Variants in CABLES1 observed in about 807,000 individuals in gnomAD.
CABLES1 encodes the protein Cdk5 and Abl enzyme substrate 1.
In CABLES1, 36 loss-of-function variants were observed where a neutral mutation model predicts 57.8. The ratio of observed to expected loss-of-function variants is 0.62; its 90% CI spans 0.48 to 0.82. CABLES1 has a LOEUF of 0.82. Among genes scored for constraint, CABLES1 ranks in the 40% least tolerant of loss-of-function variants. The probability of loss-of-function intolerance (pLI) is 0.00; values close to 1 mark genes in which losing one functional copy is unlikely to be tolerated. For missense variants in CABLES1, 767 were observed against 836.6 expected (o/e 0.92, Z 1.03); for synonymous variants, 374 against 363.0 (o/e 1.03, Z -0.35).
chr18:23,177,694 G>A (rs7231643), intron 1 of CABLES1, among the ~76,000 whole-genome samples: 18,035 of 151,864 alleles, frequency 0.12, 2,191 homozygotes, highest in African/African-American at 0.27. Flanking sequence ...GCTCTGGGAA[G>A]GTGCATGTAG....
At position 23,234,623 on chromosome 18, in the gene CABLES1, C is replaced by T. The variant is rs34846434; in HGVS notation, c.1104C>T (p.Asp368=). The T allele has an allele frequency of 7.5e-4, 1,214 of 1,613,526 alleles. 9 individuals carry two copies. The African/African-American group carries it at 0.014, about 19-fold the overall frequency. Residue 368 remains aspartate, a synonymous_variant, in exon 5 of 10, where the codon GAC becomes GAT. Coordinates refer to ENST00000256925, the MANE Select transcript of CABLES1 (RefSeq NM_001100619.3). ...GTCCTCCCAGGGACTTGAAGTTGGA[C>T]GGAGGAAGACAATCAACTGGTGCAG... ...DSTQVGDLKL[D]GGRQSTGAVS...
At chr18:23,252,695 C>G (rs193281987) in intron 7 of CABLES1, among the ~76,000 whole-genome samples, 51 of 152,328 alleles carry the variant, frequency 3.3e-4, no homozygotes, top group Non-Finnish European at 5.4e-4. Flanking sequence ...ACCCCTCCCT[C>G]TCAGGCACTG....
chr18:23,221,308 T>A (rs1055241413), intron 4 of CABLES1, among the ~76,000 whole-genome samples: 1 of 152,222 alleles, frequency 6.6e-6, no homozygotes, highest in Non-Finnish European at 1.5e-5. Context: ...CTGCTAGATA[T>A]AATGAGATGC....
Position 23,192,767 on chromosome 18 carries a change from A to G in CABLES1, c.918-1681A>G, listed in dbSNP as rs541846166. Reference sequence around the variant, plus strand: ...CTTTGCGTGTGTGTGACAGGTGGGAACTTTGAGTGGCCTGCAGATTCGAGC... The same window carrying G: ...CTTTGCGTGTGTGTGACAGGTGGGAGCTTTGAGTGGCCTGCAGATTCGAGC... On this transcript the variant is annotated intron_variant, in intron 2 of 9. Transcript: ENST00000256925. Among the ~76,000 whole-genome samples the G allele has an allele frequency of 2.0e-5, 3 of 152,294 alleles. No individual in the cohort carries two copies. The East Asian group carries it at 5.8e-4, about 29-fold the overall frequency.
intron 7 of CABLES1, among the ~76,000 whole-genome samples, chr18:23,252,029 C>T (rs1392574245): frequency 4.0e-5 from 6 of 150,000 alleles, no homozygotes; most frequent in Non-Finnish European, 7.4e-5. Flanking sequence ...GAGGTTGCAG[C>T]GAACCAAGAT....
At chr18:23,154,254 G>A (rs559010440) in intron 1 of CABLES1, among the ~76,000 whole-genome samples, 3 of 152,262 alleles carry the variant, frequency 2.0e-5, no homozygotes, top group African/African-American at 7.2e-5. Flanking sequence ...CATGTGCCGC[G>A]GTAACTAAAC....
chr18:23,195,527 C>A (rs897052552), intron 3 of CABLES1, among the ~76,000 whole-genome samples: 2 of 152,194 alleles, frequency 1.3e-5, no homozygotes, highest in African/African-American at 4.8e-5. Context: ...TGTATAATAA[C>A]CCACAACAAT....
chr18:23,226,371 C>T (rs1246321673), intron 4 of CABLES1, among the ~76,000 whole-genome samples: 1 of 149,194 alleles, frequency 6.7e-6, no homozygotes, highest in Non-Finnish European at 1.5e-5. Context: ...CATTGCACTC[C>T]AGCTTGGGCA....
intron 1 of CABLES1, among the ~76,000 whole-genome samples, chr18:23,180,080 G>A (rs1048621129): frequency 3.3e-5 from 5 of 151,934 alleles, no homozygotes; most frequent in African/African-American, 7.3e-5. Flanking sequence ...CACCACGCCC[G>A]GCTAATTTTT....
chr18:23,202,158 G>A (rs1350239340), intron 3 of CABLES1, among the ~76,000 whole-genome samples: 1 of 152,222 alleles, frequency 6.6e-6, no homozygotes, highest in Non-Finnish European at 1.5e-5. Flanking sequence ...GCAGAGGTAC[G>A]AGTGATCTGA....
intron 7 of CABLES1, among the ~76,000 whole-genome samples, chr18:23,246,506 G>C (rs186336959): frequency 0.017 from 2,527 of 151,686 alleles, 35 homozygotes; most frequent in Non-Finnish European, 0.027. Flanking sequence ...ATTCTCCTGC[G>C]TCAGCCTCCC....
intron 3 of CABLES1, among the ~76,000 whole-genome samples, chr18:23,196,575 A>G (rs780688939): frequency 6.6e-6 from 1 of 152,222 alleles, no homozygotes; most frequent in Non-Finnish European, 1.5e-5. Flanking sequence ...GGAATGCAGA[A>G]GCTCTGCCCC....
chr18:23,183,646 C>T (rs1454611160), intron 1 of CABLES1, among the ~76,000 whole-genome samples: 1 of 152,172 alleles, frequency 6.6e-6, no homozygotes, highest in African/African-American at 2.4e-5. Flanking sequence ...ATACACACTT[C>T]CATCTGATGA....
chr18:23,167,798 T>G (rs2047053915), intron 1 of CABLES1, among the ~76,000 whole-genome samples: 1 of 151,308 alleles, frequency 6.6e-6, no homozygotes, highest in Admixed American at 6.6e-5. Flanking sequence ...TGCAGGTCGT[T>G]GGGGGCCTCG....
At chr18:23,148,610 A>T (rs2046908416) in intron 1 of CABLES1, among the ~76,000 whole-genome samples, 1 of 152,212 alleles carries the variant, frequency 6.6e-6, no homozygotes. Context: ...AGAAGAGGAC[A>T]GCCCAGCACA....
At chr18:23,235,296 G>A (rs897046560) in intron 5 of CABLES1, among the ~76,000 whole-genome samples, 3 of 152,228 alleles carry the variant, frequency 2.0e-5, no homozygotes, top group Non-Finnish European at 2.9e-5. Context: ...AATCTGTCCC[G>A]GGGTAGTTTG....
intron 3 of CABLES1, among the ~76,000 whole-genome samples, chr18:23,208,886 C>T (rs2047383645): frequency 6.6e-6 from 1 of 152,220 alleles, no homozygotes; most frequent in African/African-American, 2.4e-5. Context: ...GCATCACTTC[C>T]ATCTCTGTCT....
intron 4 of CABLES1, among the ~76,000 whole-genome samples, chr18:23,220,558 AGT>A (rs2047479685): frequency 6.6e-6 from 1 of 152,126 alleles, no homozygotes; most frequent in Non-Finnish European, 1.5e-5. Flanking sequence ...TTGAGAACCA[AGT>A]GTGTTTCCCT....
intron 1 of CABLES1, among the ~76,000 whole-genome samples, chr18:23,158,119 T>TAAAAA (rs34187186): frequency 7.8e-6 from 1 of 128,138 alleles, no homozygotes. Flanking sequence ...CCATCTCTAT[T>TAAAAA]AAAAAAAAAA....
Sources: gnomAD v4.1 joint callset for allele counts (sites outside exome capture counted in the v4.1 genomes callset) on GRCh38, gnomAD v4.1.1 for gene constraint, MANE v1.5 for transcripts, NCBI Gene and HGNC (gene_info 2026-07-23, HGNC 2026-07-21) for gene names.